The following GABRD variants were observed in gnomAD, a reference collection of about 807,000 sequenced individuals.
GABRD encodes the protein gamma-aminobutyric acid type A receptor subunit delta.
A neutral mutation model predicts 47.3 loss-of-function variants in GABRD; 25 were observed. The ratio of observed to expected loss-of-function variants is 0.53; its 90% CI spans 0.39 to 0.74. The LOEUF (loss-of-function observed/expected upper bound fraction) is 0.74, where lower values mean the gene tolerates loss of function less well. GABRD is among the 30% of genes least tolerant of loss of function. GABRD has a pLI of 0.00. For missense variants in GABRD, 497 were observed against 643.4 expected (o/e 0.77, Z 2.46); for synonymous variants, 314 against 278.8 (o/e 1.13, Z -1.26).
At position 2,030,222 on chromosome 1, in the gene GABRD, T is replaced by C; in HGVS notation, c.1299T>C (p.Ala433=). ...ACACCATTGACATTTACGCCCGCGC[T>C]GTGTTCCCTGCGGCGTTTGCGGCCG... ...DADTIDIYAR[A]VFPAAFAAVN... is the part of the protein sequence containing the mutation. Residue 433 remains alanine (A), a synonymous_variant, in exon 9 of 9, where the codon GCT becomes GCC. Transcript: ENST00000378585. 4.5e-6 allele frequency: 7 copies of C among 1,569,962 alleles called. No homozygotes were observed. The highest frequency in any genetic ancestry group is 6.1e-6 in the Non-Finnish European group (7 of 1,154,666).
intron 1 of GABRD, among the ~76,000 whole-genome samples, chr1:2,021,355 C>A (rs1236386407): frequency 2.0e-5 from 3 of 152,164 alleles, no homozygotes; most frequent in Admixed American, 6.5e-5. Flanking sequence ...GCCCTAGGGG[C>A]CACCTTCAGA....
intron 1 of GABRD, among the ~76,000 whole-genome samples, chr1:2,022,697 A>T (rs140453665): frequency 4.6e-5 from 7 of 152,308 alleles, no homozygotes; most frequent in Middle Eastern, 6.8e-3. Flanking sequence ...ACTTAATTTG[A>T]TTCCATCTTA....
chr1:2,028,284 T>G lies in GABRD; in HGVS notation c.683T>G (p.Phe228Cys), dbSNP rs1337509537. 1 of 1,609,972 alleles carries G rather than the reference T, an allele frequency of 6.2e-7. No homozygotes were observed. The highest frequency in any genetic ancestry group is 2.2e-5 in the East Asian group (1 of 44,684). Residue 228 changes from phenylalanine to cysteine, a missense_variant, in exon 6 of 9, where the codon TTC (phenylalanine) becomes TGC (cysteine). Phe to Cys is a radical substitution (Grantham distance 205). This residue lies in a region of GABRD where 285 missense variants were observed against 436.6 expected (regional missense o/e 0.65). Coordinates refer to ENST00000378585, the MANE Select transcript of GABRD (RefSeq NM_000815.5). The surrounding 1 kb of genome is among the most constrained non-coding windows in gnomAD (Gnocchi z 6.4). Reference protein sequence around the residue: ...SYRFTTELMNFKSAGQFPRLS... With the variant: ...SYRFTTELMNCKSAGQFPRLS... ...CGCTTCACCACGGAGCTGATGAACTTCAAGTCCGGTAACATATGCCCGCCG... is the reference window on the plus strand; with the variant it reads ...CGCTTCACCACGGAGCTGATGAACTGCAAGTCCGGTAACATATGCCCGCCG...
At chr1:2,026,050 CAT>C (rs960842872) in intron 4 of GABRD, among the ~76,000 whole-genome samples, 1 of 152,254 alleles carries the variant, frequency 6.6e-6, no homozygotes, top group African/African-American at 2.4e-5. Context: ...AATTCAGTGG[CAT>C]TTGGCAGATT....
At chr1:2,020,201 T>A (rs986753054) in intron 1 of GABRD, among the ~76,000 whole-genome samples, 9 of 152,194 alleles carry the variant, frequency 5.9e-5, no homozygotes, top group Admixed American at 5.9e-4. Context: ...TGGCCTACAG[T>A]GCCCCCCCAT....
In GABRD at chr1:2,028,037, C is replaced by A; in HGVS notation, c.554-118C>A. ...CCTCGCTCCTGGCTGGGGTCCTGCT[C>A]GGTCCCCATCACGATGGCGTCGGCC... is the stretch of plus-strand genomic sequence containing the variant. On this transcript the variant is annotated intron_variant, in intron 5 of 8. Coordinates refer to ENST00000378585, the MANE Select transcript of GABRD (RefSeq NM_000815.5). The surrounding 1 kb of genome is among the most constrained non-coding windows in gnomAD (Gnocchi z 6.4). 1.7e-6 allele frequency: 2 copies of A among 1,173,324 alleles called. No homozygotes were observed. The highest frequency in any genetic ancestry group is 2.4e-6 in the Non-Finnish European group (2 of 836,796). 72.7% of individuals were successfully genotyped at this position (1,173,324 alleles called of 1,614,324 possible). A position where few individuals can be genotyped will look rare whatever the true frequency, so the allele number is the denominator to read the frequency against.
At chr1:2,025,946 C>T (rs984564572) in intron 4 of GABRD, among the ~76,000 whole-genome samples, 11 of 152,240 alleles carry the variant, frequency 7.2e-5, no homozygotes, top group Non-Finnish European at 5.9e-5. Context: ...GACAGGAAGC[C>T]GGCAGATGTG....
chr1:2,019,923 C>T (rs998005109), intron 1 of GABRD, among the ~76,000 whole-genome samples: 4 of 152,194 alleles, frequency 2.6e-5, no homozygotes, highest in African/African-American at 9.6e-5. Flanking sequence ...GAGCCGTTCC[C>T]CGTTCCCCCA....
At chr1:2,019,583 GC>G in intron 1 of GABRD, 92 bp downstream of exon 1, 2 of 729,542 alleles carry the variant, frequency 2.7e-6, no homozygotes, top group Non-Finnish European at 1.7e-6. Flanking sequence ...GCCGGCGCGA[GC>G]CCCGGGCCCC....
At chr1:2,027,243 C>T (rs1658951711) in intron 4 of GABRD, 1 of 413,472 alleles carries the variant, frequency 2.4e-6, no homozygotes. Flanking sequence ...TGCGTGGCAA[C>T]TCTGGGCCTA....
At position 2,028,368 on chromosome 1, in the gene GABRD, G is replaced by A. The variant is rs1008060334; in HGVS notation, c.691+76G>A. The A allele has an allele frequency of 8.2e-6, 11 of 1,341,184 alleles. No individual in the cohort carries two copies. The highest frequency in any genetic ancestry group is 1.6e-5 in the African/African-American group (1 of 63,928). The allele number at this position is 1,341,184 out of a possible 1,614,324, so 83.1% of individuals were successfully genotyped here. On this transcript the variant is annotated intron_variant, in intron 6 of 8. Transcript: ENST00000378585. This position sits in a 1 kb window ranked among gnomAD's most constrained non-coding sequence, Gnocchi z 6.4. Reference sequence around the variant, plus strand: ...CGCGCCCACCGCCCCTTCCGCGCGCGCCCACCGCCCCTTCCGCGTGCGCCC... The same window carrying A: ...CGCGCCCACCGCCCCTTCCGCGCGCACCCACCGCCCCTTCCGCGTGCGCCC...
chr1:2,022,800 A>G (rs1001558600), intron 1 of GABRD, among the ~76,000 whole-genome samples: 3 of 152,242 alleles, frequency 2.0e-5, no homozygotes, highest in African/African-American at 7.2e-5. Flanking sequence ...CTGGATGGAC[A>G]GCAGCCCTGG....
chr1:2,027,787 G>T, intron 5 of GABRD, 128 bp downstream of exon 5: 1 of 848,768 alleles, frequency 1.2e-6, no homozygotes, highest in Non-Finnish European at 1.9e-6. Context: ...GCTTCTGCAT[G>T]CAAGAAGCCT....
intron 4 of GABRD, 46 bp from the exon 5 acceptor site, chr1:2,027,531 G>A: frequency 6.5e-7 from 1 of 1,533,774 alleles, no homozygotes. Flanking sequence ...CTTTCGGGAG[G>A]GCTGGCCTCA....
At chr1:2,019,517 CG>C in intron 1 of GABRD, 26 bp downstream of exon 1, 1 of 1,074,050 alleles carries the variant, frequency 9.3e-7, no homozygotes, top group Non-Finnish European at 1.1e-6. Flanking sequence ...CCGCGCGGCG[CG>C]GGGTCGGGGG....
At chr1:2,027,950 C>A in intron 5 of GABRD, 1 of 621,970 alleles carries the variant, frequency 1.6e-6, no homozygotes, top group South Asian at 1.9e-5. Flanking sequence ...ACAACGGTGA[C>A]CCCATCTGTG....
intron 1 of GABRD, among the ~76,000 whole-genome samples, chr1:2,019,694 C>A (rs1048769447): frequency 6.6e-6 from 1 of 151,490 alleles, no homozygotes; most frequent in African/African-American, 2.4e-5. Context: ...GCTCGGGACG[C>A]GGCGACCCCC....
In GABRD at chr1:2,028,419, C is replaced by T. The variant is rs937844836; in HGVS notation, c.691+127C>T. The T allele has an allele frequency of 2.7e-6, 3 of 1,097,832 alleles. No homozygotes were observed. Among genetic ancestry groups the T allele is most frequent in the Non-Finnish European group, 3.5e-6 (3 of 848,290 alleles). The allele number at this position is 1,097,832 out of a possible 1,614,324, so 68.0% of individuals were successfully genotyped here. A position where few individuals can be genotyped will look rare whatever the true frequency, so the allele number is the denominator to read the frequency against. On this transcript the variant is annotated intron_variant, in intron 6 of 8. Transcript: ENST00000378585. This position sits in a 1 kb window ranked among gnomAD's most constrained non-coding sequence, Gnocchi z 6.4. ...GCCTGTGGTTTTCATGCTTTTTAGT[C>T]AAGCGCCCGCAGGCCCCCAGGGCCT...
chr1:2,029,867 G>C (rs543754101), intron 8 of GABRD, 105 bp downstream of exon 8: 5 of 1,506,140 alleles, frequency 3.3e-6, no homozygotes, highest in East Asian at 2.3e-5. Flanking sequence ...CCCTGAGCGT[G>C]GGGGGCTGGA....
Sources: gnomAD v4.1 joint callset for allele counts (sites outside exome capture counted in the v4.1 genomes callset) on GRCh38, gnomAD v4.1.1 for gene constraint, gnomAD v4.1.1 regional missense constraint, Gnocchi (gnomAD v3.1) non-coding constraint, MANE v1.5 for transcripts, NCBI Gene and HGNC (gene_info 2026-07-23, HGNC 2026-07-21) for gene names.